UBAP2: variants seen among roughly 807,000 people sequenced by gnomAD.
UBAP2 encodes ubiquitin associated protein 2.
Under a neutral mutation model 139.6 loss-of-function variants are expected in UBAP2, and 75 were observed. The observed-to-expected ratio is 0.54, with a 90% CI of 0.45 to 0.65. The LOEUF is 0.65. Ranked by LOEUF, UBAP2 falls within the 30% of genes least tolerant of loss-of-function variation. The pLI is 0.00. For synonymous variants in UBAP2, 526 were observed against 526.2 expected, an observed-to-expected ratio of 1.00 and a Z score of 0.01; for missense variants, 1,368 against 1,369.6, an observed-to-expected ratio of 1.00 and a Z score of 0.02.
At chr9:34,036,118 C>CTT (rs892962205) in intron 1 of UBAP2, among the ~76,000 whole-genome samples, 30 of 143,626 alleles carry the variant, frequency 2.1e-4, no homozygotes, top group African/African-American at 7.4e-4. Context: ...ATACTTTTTT[C>CTT]TTTTTTTTTT....
intron 1 of UBAP2, among the ~76,000 whole-genome samples, chr9:34,023,445 T>C (rs1825134329): frequency 6.6e-6 from 1 of 152,190 alleles, no homozygotes; most frequent in South Asian, 2.1e-4. Context: ...TCCTCACTTG[T>C]CAAGGAAGAA....
chr9:33,962,506 C>A (rs1008082198), intron 9 of UBAP2, among the ~76,000 whole-genome samples: 4 of 151,756 alleles, frequency 2.6e-5, no homozygotes, highest in Non-Finnish European at 5.9e-5. Flanking sequence ...ATTAGCCAGG[C>A]GTGGTGGCGT....
At chr9:34,017,460 A>G (rs151124093) in intron 1 of UBAP2, among the ~76,000 whole-genome samples, 150 of 152,336 alleles carry the variant, frequency 9.8e-4, no homozygotes, top group African/African-American at 3.5e-3. Context: ...CACTACATGT[A>G]GTCACTGTAC....
intron 16 of UBAP2, chr9:33,938,903 A>T: frequency 2.2e-6 from 1 of 455,782 alleles, no homozygotes; most frequent in Non-Finnish European, 4.4e-6. Context: ...TTTCTGTCAA[A>T]GCATCTCTGA....
chr9:33,923,406 C>G lies in UBAP2; in HGVS notation c.2869G>C (p.Gly957Arg). Residue 957 changes from glycine (G) to arginine (R), a missense_variant, in exon 25 of 29, where the codon GGT becomes CGT. By Grantham distance (125) the Gly-to-Arg change is moderately radical. Transcript: ENST00000379238. ...TPTPPFQQAS[G>R]YGQHGYSTGY... Reference sequence around the variant, plus strand: ...GTACTGTAGCCGTGCTGGCCATAACCACTGGCCTGCTGGAAGGGAGGTGTG... The same window carrying G: ...GTACTGTAGCCGTGCTGGCCATAACGACTGGCCTGCTGGAAGGGAGGTGTG... 6.2e-7 allele frequency: 1 copy of G among 1,614,166 alleles called. No homozygotes were observed. Among genetic ancestry groups the G allele is most frequent in the Non-Finnish European group, 8.5e-7 (1 of 1,180,006 alleles).
intron 1 of UBAP2, among the ~76,000 whole-genome samples, chr9:34,024,343 A>T (rs1393231757): frequency 0.063 from 201 of 3,172 alleles, no homozygotes; most frequent in African/African-American, 0.13. Flanking sequence ...ACTCTGTCTC[A>T]AAAAAAAAAA....
chr9:33,969,367 C>T (rs1827719197), intron 8 of UBAP2, among the ~76,000 whole-genome samples: 1 of 151,950 alleles, frequency 6.6e-6, no homozygotes, highest in Admixed American at 6.6e-5. Context: ...CACAACAATG[C>T]AAAATCTTAT....
intron 19 of UBAP2, among the ~76,000 whole-genome samples, chr9:33,929,978 T>C (rs1259737287): frequency 6.6e-6 from 1 of 152,102 alleles, no homozygotes; most frequent in African/African-American, 2.4e-5. Flanking sequence ...CACTCCAGCC[T>C]AGGCCACAAG....
At chr9:34,024,963 G>A (rs917951327) in intron 1 of UBAP2, among the ~76,000 whole-genome samples, 6 of 151,098 alleles carry the variant, frequency 4.0e-5, no homozygotes, top group South Asian at 2.1e-4. Context: ...CAATCGGGGC[G>A]ACAGAACAAG....
intron 8 of UBAP2, chr9:33,968,349 T>C (rs1827627328): frequency 1.7e-6 from 1 of 580,340 alleles, no homozygotes; most frequent in Non-Finnish European, 3.4e-6. Context: ...GAGCCAACAC[T>C]TTGAGGTTCA....
rs767610390 is a variant in UBAP2 at position 34,001,362 on chromosome 9, T to C, written c.100-2498A>G. On this transcript the variant is annotated intron_variant, in intron 2 of 28. Transcript: ENST00000379238. ...TTGGGAGTTTTATTAGAAAAAGAAA[T>C]GTGACCTATTGTTTTGAAAGAAAAC... Among the ~76,000 whole-genome samples the C allele has an allele frequency of 1.4e-4, 21 of 152,188 alleles. 1 individual carries two copies. The highest frequency in any genetic ancestry group is 2.4e-4 in the Non-Finnish European group (16 of 68,032).
chr9:33,948,643 G>T (rs1162683706), intron 12 of UBAP2, 56 bp from the exon 13 acceptor site: 12 of 1,454,918 alleles, frequency 8.2e-6, no homozygotes, highest in Non-Finnish European at 1.1e-5. Flanking sequence ...TCTGCCCAAG[G>T]CTTTAAAACA....
At chr9:34,037,742 CAGT>C (rs1826563755) in intron 1 of UBAP2, among the ~76,000 whole-genome samples, 1 of 151,998 alleles carries the variant, frequency 6.6e-6, no homozygotes, top group Non-Finnish European at 1.5e-5. Context: ...GATTATCATT[CAGT>C]AGTGTACTTC....
intron 1 of UBAP2, among the ~76,000 whole-genome samples, chr9:34,040,462 A>C (rs1297359811): frequency 6.6e-6 from 1 of 152,154 alleles, no homozygotes; most frequent in Non-Finnish European, 1.5e-5. Context: ...GCTCTAGTTA[A>C]AGAGGTTAGC....
At chr9:33,990,136 C>A (rs907612426) in intron 4 of UBAP2, among the ~76,000 whole-genome samples, 2 of 152,018 alleles carry the variant, frequency 1.3e-5, no homozygotes, top group South Asian at 2.1e-4. Context: ...AATTATCAAG[C>A]AGGGTAGTTA....
At chr9:34,043,315 G>A (rs1213244001) in intron 1 of UBAP2, among the ~76,000 whole-genome samples, 1 of 151,982 alleles carries the variant, frequency 6.6e-6, no homozygotes, top group African/African-American at 2.4e-5. Context: ...GGGACTACAA[G>A]CACACCATGC....
rs779003309 is a variant in UBAP2, at chr9:33,924,191, A to G, written c.2590+15T>C. 1 of 1,613,978 alleles carries G rather than the reference A, an allele frequency of 6.2e-7. No homozygotes were observed. The highest frequency in any genetic ancestry group is 8.5e-7 in the Non-Finnish European group (1 of 1,179,874). ...GCCGGCCCCGGGCTACTCCTCATCC[A>G]TTGAGCAAACTCACCTGGATATGGA... On this transcript the variant is annotated intron_variant, in intron 23 of 28. Coordinates refer to ENST00000379238, the MANE Select transcript of UBAP2 (RefSeq NM_001370062.2).
chr9:33,927,951 G>A lies in UBAP2; in HGVS notation c.2217C>T (p.Ala739=). The change falls in exon 20 of 29, where the codon GCC becomes GCT. Residue 739 remains alanine (A), a synonymous_variant. Coordinates refer to ENST00000379238, the MANE Select transcript of UBAP2 (RefSeq NM_001370062.2). ...CGGAGGTCGCTGCCGTGGAGAAGGTGGCTGAGGACTGGTGGGAAGAGGCGC... is the reference window on the plus strand; with the variant it reads ...CGGAGGTCGCTGCCGTGGAGAAGGTAGCTGAGGACTGGTGGGAAGAGGCGC... ...VESASSHQSS[A]TFSTAATSVS... The A allele has an allele frequency of 6.2e-7, 1 of 1,614,144 alleles. No homozygotes were observed. The highest frequency in any genetic ancestry group is 8.5e-7 in the Non-Finnish European group (1 of 1,180,000).
At chr9:33,946,240 G>C (rs1825645709) in intron 13 of UBAP2, among the ~76,000 whole-genome samples, 1 of 151,852 alleles carries the variant, frequency 6.6e-6, no homozygotes, top group Non-Finnish European at 1.5e-5. Flanking sequence ...TTTATATTAA[G>C]GAAATTAACT....
Sources: gnomAD v4.1 joint callset for allele counts (sites outside exome capture counted in the v4.1 genomes callset) on GRCh38, gnomAD v4.1.1 for gene constraint, MANE v1.5 for transcripts, NCBI Gene and HGNC (gene_info 2026-07-23, HGNC 2026-07-21) for gene names.